TTC7B: variants seen among roughly 807,000 people sequenced by gnomAD.
TTC7B encodes tetratricopeptide repeat domain 7B.
A neutral mutation model predicts 106.8 loss-of-function variants in TTC7B; 28 were observed. The observed-to-expected ratio is 0.26, with a 90% CI of 0.19 to 0.36. The LOEUF (loss-of-function observed/expected upper bound fraction) is 0.36, where lower values mean the gene tolerates loss of function less well. Ranked by LOEUF, TTC7B falls within the 10% of genes least tolerant of loss-of-function variation. TTC7B has a pLI of 1.00. For synonymous variants in TTC7B, 405 were observed against 430.6 expected (o/e 0.94, Z 0.74); for missense variants, 862 against 1,076.4 (o/e 0.80, Z 2.79).
At chr14:90,671,502 C>G (rs1886630589) in intron 9 of TTC7B, among the ~76,000 whole-genome samples, 1 of 152,188 alleles carries the variant, frequency 6.6e-6, no homozygotes, top group South Asian at 2.1e-4. Context: ...TCCTTAGCAG[C>G]TTGGGTTCAT....
chr14:90,680,261 G>A (rs1886998856), intron 8 of TTC7B, among the ~76,000 whole-genome samples: 1 of 152,194 alleles, frequency 6.6e-6, no homozygotes, highest in South Asian at 2.1e-4. Flanking sequence ...GAAGCTCCAA[G>A]CTCCAGGCTA....
At chr14:90,762,015 A>G (rs533050645) in intron 3 of TTC7B, among the ~76,000 whole-genome samples, 12 of 152,372 alleles carry the variant, frequency 7.9e-5, no homozygotes, top group Non-Finnish European at 1.6e-4. Context: ...TGAAAGAGAT[A>G]AGAGGCCAAA....
intron 16 of TTC7B, among the ~76,000 whole-genome samples, chr14:90,611,824 C>T (rs751867867): frequency 5.9e-5 from 9 of 152,292 alleles, no homozygotes; most frequent in Non-Finnish European, 1.2e-4. Context: ...TAGGTAAACA[C>T]TATTGCTTTA....
rs543674507 is a variant in TTC7B, at chr14:90,774,428, T to C, written c.445+6310A>G. 8.5e-5 allele frequency among the ~76,000 whole-genome samples: 13 copies of C among 152,348 alleles called. No individual in the cohort carries two copies. The South Asian group carries it at 1.9e-3, about 22-fold the overall frequency. On this transcript the variant is annotated intron_variant, in intron 3 of 19. Transcript: ENST00000328459. ...GCAGCATGGCTTGGGCGGTCAGCGC[T>C]GCATACACCGTTTACCCCTCTGCAT...
intron 9 of TTC7B, among the ~76,000 whole-genome samples, chr14:90,667,471 G>A (rs1364145412): frequency 6.6e-6 from 1 of 152,160 alleles, no homozygotes; most frequent in Non-Finnish European, 1.5e-5. Context: ...AATTTGGTGA[G>A]AGGGGGTATT....
intron 9 of TTC7B, among the ~76,000 whole-genome samples, chr14:90,662,198 G>A (rs558616712): frequency 9.2e-5 from 14 of 152,358 alleles, no homozygotes; most frequent in South Asian, 4.1e-4. Context: ...CGCGTGGCAC[G>A]CAGACAGCCA....
At position 90,757,520 on chromosome 14, in the gene TTC7B, C is replaced by G. The variant is rs1329900803; in HGVS notation, c.446-12598G>C. ...AGCTCTATCTTCTCTCCTGTCCTCTCTTTGCAAATGAGGAGATTCAAGCTC... is the reference window on the plus strand; with the variant it reads ...AGCTCTATCTTCTCTCCTGTCCTCTGTTTGCAAATGAGGAGATTCAAGCTC... On this transcript the variant is annotated intron_variant, in intron 3 of 19. Coordinates refer to ENST00000328459, the MANE Select transcript of TTC7B (RefSeq NM_001010854.2). The surrounding 1 kb of genome is among the most constrained non-coding windows in gnomAD (Gnocchi z 4.1). Among the ~76,000 whole-genome samples, 1 of 152,200 alleles carries G rather than the reference C, an allele frequency of 6.6e-6. No individual in the cohort carries two copies. The highest frequency in any genetic ancestry group is 2.4e-5 in the African/African-American group (1 of 41,448).
At chr14:90,758,594 G>A (rs1301898172) in intron 3 of TTC7B, among the ~76,000 whole-genome samples, 1 of 152,256 alleles carries the variant, frequency 6.6e-6, no homozygotes, top group Non-Finnish European at 1.5e-5. Flanking sequence ...GGCGGCGGCT[G>A]CCGAGGGGCT....
chr14:90,578,229 G>A lies in TTC7B; in HGVS notation c.2187C>T (p.Ser729=). ...GGCCGCGCATGTAGAGGACATTGTG[G>A]GACATTGGGAAGAGGTTGGCAGCTT... ...TQEAANLFPM[S]HNVLYMRGQI... Residue 729 remains serine, a synonymous_variant, in exon 19 of 20, where the codon TCC becomes TCT. Coordinates refer to ENST00000328459, the MANE Select transcript of TTC7B (RefSeq NM_001010854.2). The surrounding 1 kb of genome is among the most constrained non-coding windows in gnomAD (Gnocchi z 4.7). The A allele has an allele frequency of 6.2e-7, 1 of 1,614,244 alleles. No homozygotes were observed. The highest frequency in any genetic ancestry group is 8.5e-7 in the Non-Finnish European group (1 of 1,180,054).
chr14:90,570,237 C>G lies in TTC7B; in HGVS notation c.2310+7869G>C, dbSNP rs546374195. Among the ~76,000 whole-genome samples, 1 of 152,192 alleles carries G rather than the reference C, an allele frequency of 6.6e-6. No individual in the cohort carries two copies. The highest frequency in any genetic ancestry group is 2.4e-5 in the African/African-American group (1 of 41,454). ...TGTGCTGGAGTGTTCCATTAATCAG[C>G]CTGACCAAGCCTCGTGATCTCATGT... On this transcript the variant is annotated intron_variant, in intron 19 of 19. Transcript: ENST00000328459. The surrounding 1 kb of genome is among the most constrained non-coding windows in gnomAD (Gnocchi z 4.0).
At chr14:90,584,988 T>C (rs1397097230) in intron 18 of TTC7B, among the ~76,000 whole-genome samples, 1 of 152,148 alleles carries the variant, frequency 6.6e-6, no homozygotes, top group African/African-American at 2.4e-5. Flanking sequence ...CTCTGTCGGC[T>C]CTCACTGGAC....
intron 5 of TTC7B, among the ~76,000 whole-genome samples, chr14:90,721,040 C>T (rs1888875446): frequency 1.3e-5 from 2 of 152,156 alleles, no homozygotes; most frequent in South Asian, 4.1e-4. Context: ...TCAAGGAATT[C>T]CAGTTTCTTG....
chr14:90,775,726 C>T (rs998878021), intron 3 of TTC7B, among the ~76,000 whole-genome samples: 3 of 152,086 alleles, frequency 2.0e-5, no homozygotes, highest in African/African-American at 7.2e-5. Flanking sequence ...CTTCTCCTCT[C>T]TGGCACAGTC....
intron 5 of TTC7B, among the ~76,000 whole-genome samples, chr14:90,719,213 G>A (rs1277753476): frequency 6.6e-6 from 1 of 152,198 alleles, no homozygotes; most frequent in East Asian, 1.9e-4. Context: ...GGTCAAGGCT[G>A]CAGTGGGCCG....
intron 1 of TTC7B, among the ~76,000 whole-genome samples, chr14:90,803,791 GAA>G (rs1476197071): frequency 6.9e-6 from 1 of 144,856 alleles, no homozygotes; most frequent in Non-Finnish European, 1.5e-5. Flanking sequence ...TACACTGGCA[GAA>G]GAGATGAGTA....
At chr14:90,548,744 A>C (rs1889944905) in intron 19 of TTC7B, among the ~76,000 whole-genome samples, 1 of 152,198 alleles carries the variant, frequency 6.6e-6, no homozygotes, top group Admixed American at 6.5e-5. Flanking sequence ...ATACTGTTTA[A>C]AGCTACCACA....
intron 3 of TTC7B, among the ~76,000 whole-genome samples, chr14:90,779,762 A>G (rs1453872117): frequency 2.6e-5 from 4 of 152,190 alleles, no homozygotes; most frequent in Non-Finnish European, 5.9e-5. Flanking sequence ...GAACGGTCCG[A>G]TCATCTGTGT....
At chr14:90,646,441 G>A (rs1261593474) in intron 14 of TTC7B, among the ~76,000 whole-genome samples, 7 of 152,132 alleles carry the variant, frequency 4.6e-5, no homozygotes, top group African/African-American at 7.2e-5. Context: ...CCCCTTTTTC[G>A]AGTAGCCACG....
rs1233901314 is a variant in TTC7B at position 90,802,523 on chromosome 14, G to A, written c.121+13652C>T. Among the ~76,000 whole-genome samples, 2 of 152,114 alleles carry A rather than the reference G, an allele frequency of 1.3e-5. No individual in the cohort carries two copies. Among genetic ancestry groups the A allele is most frequent in the Admixed American group, 6.6e-5 (1 of 15,266 alleles). On this transcript the variant is annotated intron_variant, in intron 1 of 19. Transcript: ENST00000328459. This position sits in a 1 kb window ranked among gnomAD's most constrained non-coding sequence, Gnocchi z 4.7. ...TGGTCGAGTTAGTGGCATGAAACAA[G>A]GGAGTTTCCTAATTGCTTTTATTTC...
Sources: gnomAD v4.1 joint callset for allele counts (sites outside exome capture counted in the v4.1 genomes callset) on GRCh38, gnomAD v4.1.1 for gene constraint, Gnocchi (gnomAD v3.1) non-coding constraint, MANE v1.5 for transcripts, NCBI Gene and HGNC (gene_info 2026-07-23, HGNC 2026-07-21) for gene names.